SUN3: variants seen among roughly 807,000 people sequenced by gnomAD.
SUN3 encodes the protein Sad1 and UNC84 domain containing 3.
Under a neutral mutation model 48.2 loss-of-function variants are expected in SUN3, and 36 were observed. The ratio of observed to expected loss-of-function variants is 0.75; its 90% CI spans 0.57 to 0.99. The LOEUF (loss-of-function observed/expected upper bound fraction) is 0.99, where lower values mean the gene tolerates loss of function less well. SUN3 is among the 50% of genes least tolerant of loss of function. The pLI, the probability that SUN3 is intolerant of heterozygous loss-of-function variation, is 0.00. For synonymous variants in SUN3, 148 were observed against 147.9 expected (o/e 1.00, Z 0.00); for missense variants, 419 against 433.1 (o/e 0.97, Z 0.29).
chr7:47,994,591 TAGGAAAACTCCCA>T, intron 7 of SUN3, 109 bp from the exon 8 acceptor site: 1 of 1,175,180 alleles, frequency 8.5e-7, no homozygotes, highest in Non-Finnish European at 1.2e-6. Context: ...GCCTATCAAA[TAGGAAAACTCCCA>T]AGGCACCTCT....
chr7:48,020,827 C>T (rs956157138), intron 2 of SUN3, among the ~76,000 whole-genome samples: 4 of 151,868 alleles, frequency 2.6e-5, no homozygotes, highest in African/African-American at 9.7e-5. Flanking sequence ...ATTAGAAGAT[C>T]AATATTGCTA....
At chr7:48,014,249 T>C (rs1208594558) in intron 3 of SUN3, among the ~76,000 whole-genome samples, 1 of 152,218 alleles carries the variant, frequency 6.6e-6, no homozygotes, top group African/African-American at 2.4e-5. Flanking sequence ...CTAGACATTT[T>C]TAAAGGGTTG....
intron 5 of SUN3, among the ~76,000 whole-genome samples, chr7:48,006,578 C>T (rs887315505): frequency 6.6e-6 from 1 of 152,176 alleles, no homozygotes; most frequent in Non-Finnish European, 1.5e-5. Flanking sequence ...ACCAAAAGCA[C>T]CCTAAGCAGG....
chr7:48,006,891 ATTTCTTTCTTTC>A (rs146559377), intron 5 of SUN3, among the ~76,000 whole-genome samples: 1 of 151,960 alleles, frequency 6.6e-6, no homozygotes, highest in Admixed American at 6.6e-5. Context: ...AGAGACTGTT[ATTTCTTTCTTTC>A]TTTCTTTCTT....
chr7:48,034,505 A>G, the SUN3 span, among the ~76,000 whole-genome samples: 1 of 152,332 alleles, frequency 6.6e-6, no homozygotes, highest in South Asian at 2.1e-4. Context: ...TCGTTGGAAC[A>G]ACAGGATTTC....
rs958889410 is a variant in SUN3 at position 48,007,078 on chromosome 7, G to C, written c.492+87C>G. On this transcript the variant is annotated intron_variant, in intron 5 of 9. Transcript: ENST00000297325. ...TGGGAGAAGAAGCAGATGTGACATC[G>C]GAAGGACATACTCACTCCCCGTCAC... 4.5e-6 allele frequency: 6 copies of C among 1,322,542 alleles called. No homozygotes were observed. In the African/African-American group the frequency reaches 7.4e-5, roughly 16 times the overall value. 81.9% of individuals were successfully genotyped at this position (1,322,542 alleles called of 1,614,324 possible). A position where few individuals can be genotyped will look rare whatever the true frequency, so the allele number is the denominator to read the frequency against.
chr7:48,001,536 T>TG (rs1248809264), intron 6 of SUN3, among the ~76,000 whole-genome samples: 1 of 142,126 alleles, frequency 7.0e-6, no homozygotes, highest in Admixed American at 7.0e-5. Context: ...TTTTTGTTTT[T>TG]TTTTTTTTTT....
intron 1 of SUN3, among the ~76,000 whole-genome samples, chr7:48,026,507 C>T (rs1395138345): frequency 6.6e-6 from 1 of 151,950 alleles, no homozygotes. Flanking sequence ...AGAATGAACA[C>T]ATCCATGAAA....
chr7:47,999,104 G>A (rs1041619672), intron 6 of SUN3, among the ~76,000 whole-genome samples: 3 of 151,996 alleles, frequency 2.0e-5, no homozygotes, highest in Non-Finnish European at 4.4e-5. Context: ...CATCTTAATG[G>A]TATTGAGTCT....
intron 2 of SUN3, among the ~76,000 whole-genome samples, chr7:48,024,533 T>C (rs1359492638): frequency 6.6e-6 from 1 of 152,104 alleles, no homozygotes; most frequent in Non-Finnish European, 1.5e-5. Context: ...TGTAGAGAAA[T>C]TGGACTTCTT....
the SUN3 span, among the ~76,000 whole-genome samples, chr7:48,034,166 T>C: frequency 9.8e-5 from 15 of 152,316 alleles, no homozygotes; most frequent in Non-Finnish European, 1.8e-4. Context: ...CCTAAGAGCG[T>C]GTATATGCAG....
At chr7:48,019,448 C>G in intron 2 of SUN3, among the ~76,000 whole-genome samples, 1 of 151,496 alleles carries the variant, frequency 6.6e-6, no homozygotes, top group African/African-American at 2.4e-5. Context: ...TAATAAAGAT[C>G]AGAGAAGAAA....
intron 6 of SUN3, among the ~76,000 whole-genome samples, chr7:48,001,531 G>GTTTT (rs1166666161): frequency 9.1e-5 from 10 of 110,490 alleles, no homozygotes; most frequent in African/African-American, 3.6e-4. Flanking sequence ...TGTTTTTTTT[G>GTTTT]TTTTTTTTTT....
Position 47,995,879 on chromosome 7 carries a change from ACTGACTATAAAAATAT to A in SUN3, c.693+136_693+151del, listed in dbSNP as rs1337928341. The stretch of plus-strand genomic sequence containing the variant: ...AAATAAGACATAATTCATGCAGTGT[ACTGACTATAAAAATAT>A]AATGAGATGATTTCAGATTCTGTGA... On this transcript the variant is annotated intron_variant, in intron 7 of 9. Transcript: ENST00000297325. The A allele has an allele frequency of 1.8e-5, 9 of 502,906 alleles. No individual in the cohort carries two copies. In the African/African-American group the frequency reaches 1.8e-4, roughly 10 times the overall value. 31.2% of individuals were successfully genotyped at this position (502,906 alleles called of 1,614,324 possible). A position where few individuals can be genotyped will look rare whatever the true frequency, so the allele number is the denominator to read the frequency against.
At chr7:48,029,199 T>C, upstream of SUN3, 2 of 433,980 alleles carry the variant, frequency 4.6e-6, 1 homozygote, top group South Asian at 4.8e-5. Context: ...ACCTCTCTGC[T>C]TCAAGGGCCT....
At chr7:47,997,436 C>G (rs375701527) in intron 6 of SUN3, among the ~76,000 whole-genome samples, 1 of 152,160 alleles carries the variant, frequency 6.6e-6, no homozygotes, top group African/African-American at 2.4e-5. Context: ...TACACTTTCA[C>G]CTGCTAATGT....
At chr7:47,994,167 C>T (rs1257392843) in intron 8 of SUN3, 148 bp downstream of exon 8, 2 of 655,804 alleles carry the variant, frequency 3.0e-6, no homozygotes, top group African/African-American at 1.9e-5. Flanking sequence ...TTTGGTCCAA[C>T]TCTCTCTCTT....
At chr7:48,003,593 T>C (rs1562603912) in intron 6 of SUN3, among the ~76,000 whole-genome samples, 1 of 152,326 alleles carries the variant, frequency 6.6e-6, no homozygotes, top group East Asian at 1.9e-4. Flanking sequence ...TAAGCAATGG[T>C]TTATAGTTCT....
At chr7:48,004,240 G>A (rs954273731) in intron 6 of SUN3, among the ~76,000 whole-genome samples, 5 of 152,118 alleles carry the variant, frequency 3.3e-5, no homozygotes, top group Non-Finnish European at 4.4e-5. Context: ...TCTTATTTCC[G>A]TAGGAGTTTG....
Sources: allele counts gnomAD v4.1 joint callset (sites outside exome capture counted in the v4.1 genomes callset), GRCh38; gene constraint gnomAD v4.1.1; transcripts MANE v1.5; gene names NCBI Gene and HGNC (gene_info 2026-07-23, HGNC 2026-07-21).